METAP1D: variants seen among roughly 807,000 people sequenced by gnomAD.
METAP1D encodes methionyl aminopeptidase type 1D, mitochondrial.
A neutral mutation model predicts 40.5 loss-of-function variants in METAP1D; 31 were observed. That is an observed-to-expected ratio of 0.77 (90% confidence interval 0.58 to 1.03). METAP1D has a LOEUF of 1.03. Ranked by LOEUF, METAP1D falls within the 50% of genes least tolerant of loss-of-function variation. The pLI, the probability that METAP1D is intolerant of heterozygous loss-of-function variation, is 0.00. For synonymous variants in METAP1D, 151 were observed against 146.4 expected, an observed-to-expected ratio of 1.03 and a Z score of -0.22; for missense variants, 411 against 420.7, an observed-to-expected ratio of 0.98 and a Z score of 0.20.
chr2:172,044,893 A>AAAAT (rs1559009651), intron 1 of METAP1D, among the ~76,000 whole-genome samples: 4 of 114,132 alleles, frequency 3.5e-5, no homozygotes, highest in South Asian at 2.9e-4. Context: ...TATCTCAAAA[A>AAAAT]AAATAAATAA....
At chr2:172,044,917 G>A (rs1309468650) in intron 1 of METAP1D, among the ~76,000 whole-genome samples, 1 of 132,492 alleles carries the variant, frequency 7.5e-6, no homozygotes, top group Non-Finnish European at 1.7e-5. Flanking sequence ...AATAAATCAG[G>A]TGAAAAACAA....
At chr2:172,023,497 G>A (rs1017003241) in intron 1 of METAP1D, among the ~76,000 whole-genome samples, 1 of 152,160 alleles carries the variant, frequency 6.6e-6, no homozygotes, top group African/African-American at 2.4e-5. Flanking sequence ...TTGCTTGGAA[G>A]GGAGGAGAGA....
intron 1 of METAP1D, among the ~76,000 whole-genome samples, chr2:172,008,765 GTGA>G (rs554103050): frequency 2.6e-5 from 4 of 151,980 alleles, no homozygotes; most frequent in Non-Finnish European, 5.9e-5. Flanking sequence ...AAATGCTTAC[GTGA>G]TGAAGTGAGG....
intron 1 of METAP1D, among the ~76,000 whole-genome samples, chr2:172,045,779 G>A (rs1417459350): frequency 2.6e-5 from 2 of 76,060 alleles, no homozygotes; most frequent in African/African-American, 4.7e-5. Context: ...ATGTATATAT[G>A]TGTATGTATA....
intron 2 of METAP1D, 120 bp downstream of exon 2, chr2:172,061,775 G>A (rs1477850486): frequency 2.3e-6 from 2 of 860,030 alleles, no homozygotes; most frequent in African/African-American, 3.5e-5. Flanking sequence ...TTTCAAACTA[G>A]GTTTGTGATC....
chr2:172,033,899 A>C (rs1223112893), intron 1 of METAP1D, among the ~76,000 whole-genome samples: 2 of 151,768 alleles, frequency 1.3e-5, no homozygotes, highest in Non-Finnish European at 2.9e-5. Flanking sequence ...AACATGGTGA[A>C]ACCCTGTCTC....
intron 1 of METAP1D, among the ~76,000 whole-genome samples, chr2:172,020,262 G>A (rs911559775): frequency 2.0e-5 from 3 of 152,204 alleles, no homozygotes; most frequent in African/African-American, 7.2e-5. Flanking sequence ...TGGGATTACA[G>A]GCGTGAGCCA....
intron 1 of METAP1D, among the ~76,000 whole-genome samples, chr2:172,002,219 A>C (rs1483706512): frequency 6.6e-6 from 1 of 151,988 alleles, no homozygotes; most frequent in East Asian, 1.9e-4. Context: ...CAAAAAAAAA[A>C]CAACCTGAAA....
At chr2:172,012,042 T>C (rs1420239299) in intron 1 of METAP1D, among the ~76,000 whole-genome samples, 1 of 152,234 alleles carries the variant, frequency 6.6e-6, no homozygotes, top group African/African-American at 2.4e-5. Context: ...ATTTAGAGTC[T>C]ATATTATCAC....
At chr2:172,021,463 T>C (rs1689007123) in intron 1 of METAP1D, among the ~76,000 whole-genome samples, 1 of 152,242 alleles carries the variant, frequency 6.6e-6, no homozygotes, top group East Asian at 1.9e-4. Context: ...GAGCTTTGTT[T>C]TGCACAGCAG....
chr2:172,018,667 G>A (rs933878487), intron 1 of METAP1D, among the ~76,000 whole-genome samples: 1 of 152,132 alleles, frequency 6.6e-6, no homozygotes, highest in Admixed American at 6.5e-5. Context: ...GGTTAAGGGT[G>A]GGGTACTATG....
intron 2 of METAP1D, 102 bp from the exon 3 acceptor site, chr2:172,063,609 A>C (rs903408590): frequency 1.1e-4 from 97 of 894,814 alleles, no homozygotes; most frequent in Admixed American, 6.1e-4. Context: ...GTGCTCCGGC[A>C]GGAAGGGCAG....
chr2:172,066,228 T>G, intron 4 of METAP1D, 36 bp from the exon 5 acceptor site: 2 of 1,563,880 alleles, frequency 1.3e-6, no homozygotes, highest in Non-Finnish European at 8.7e-7. Flanking sequence ...TATTGAGATC[T>G]GTCTATCACC....
chr2:172,062,640 A>G (rs1271603469), intron 2 of METAP1D, among the ~76,000 whole-genome samples: 3 of 152,132 alleles, frequency 2.0e-5, no homozygotes, highest in Non-Finnish European at 4.4e-5. Flanking sequence ...CCTGGTGAGC[A>G]TTTGTGGGCA....
At chr2:172,011,019 T>C (rs1688706758) in intron 1 of METAP1D, among the ~76,000 whole-genome samples, 1 of 152,128 alleles carries the variant, frequency 6.6e-6, no homozygotes, top group Non-Finnish European at 1.5e-5. Flanking sequence ...TCTCCCATAG[T>C]GCTGGGATTA....
At chr2:172,078,086 C>CCCAAAA (rs1690592720) in intron 7 of METAP1D, among the ~76,000 whole-genome samples, 192 bp downstream of exon 7, 1 of 152,058 alleles carries the variant, frequency 6.6e-6, no homozygotes, top group Non-Finnish European at 1.5e-5. Context: ...TGGATTAGAG[C>CCCAAAA]CCAGCTGTTT....
intron 1 of METAP1D, among the ~76,000 whole-genome samples, chr2:172,024,938 C>T (rs1486238464): frequency 6.6e-6 from 1 of 152,172 alleles, no homozygotes; most frequent in African/African-American, 2.4e-5. Flanking sequence ...TTGAGAGGCT[C>T]AGTGATCTCA....
At chr2:172,016,963 A>G (rs934860850) in intron 1 of METAP1D, among the ~76,000 whole-genome samples, 5 of 151,982 alleles carry the variant, frequency 3.3e-5, no homozygotes, top group African/African-American at 9.7e-5. Flanking sequence ...TTGTCACTTT[A>G]AGAGAGGGAT....
In METAP1D at chr2:172,080,146, G is replaced by A; in HGVS notation, c.869G>A (p.Gly290Glu). The change falls in exon 9 of 10, where the codon GGA (glycine) becomes GAA (glutamate). Residue 290 changes from glycine to glutamate, a missense_variant. By Grantham distance (98) the Gly-to-Glu change is moderately conservative (BLOSUM62 -2). Transcript: ENST00000315796. ...CTTACAGAGCCAATCATCACGGAGG[G>A]ATCCCCTGAATTTAAAGTCCTGGAG... is the stretch of plus-strand genomic sequence containing the variant. The part of the protein sequence containing the change: ...AFTIEPIITE[G>E]SPEFKVLEDA... 2 of 1,614,148 alleles carry A rather than the reference G, an allele frequency of 1.2e-6. No individual in the cohort carries two copies. The highest frequency in any genetic ancestry group is 1.7e-6 in the Non-Finnish European group (2 of 1,179,988).
Sources: gnomAD v4.1 joint callset for allele counts (sites outside exome capture counted in the v4.1 genomes callset) on GRCh38, gnomAD v4.1.1 for gene constraint, MANE v1.5 for transcripts, NCBI Gene and HGNC (gene_info 2026-07-23, HGNC 2026-07-21) for gene names.